The following GLP1R variants were observed in gnomAD, a reference collection of about 807,000 sequenced individuals.
GLP1R encodes glucagon-like peptide 1 receptor.
GLP1R carries 32 observed loss-of-function variants against 68.4 expected under a neutral mutation model. The ratio of observed to expected loss-of-function variants is 0.47; its 90% CI spans 0.35 to 0.63. GLP1R has a LOEUF of 0.63. Among genes scored for constraint, GLP1R ranks in the 20% least tolerant of loss-of-function variants. GLP1R has a pLI of 0.00. For synonymous variants in GLP1R, 263 were observed against 244.4 expected, an observed-to-expected ratio of 1.08 and a Z score of -0.71; for missense variants, 502 against 594.9, an observed-to-expected ratio of 0.84 and a Z score of 1.62.
chr6:39,063,806 A>G (rs80263562), intron 3 of GLP1R, among the ~76,000 whole-genome samples: 13,204 of 151,840 alleles, frequency 0.087, 804 homozygotes, highest in African/African-American at 0.16. Context: ...ATTTTTTGCT[A>G]GGGTGAAAAA....
At position 39,066,183 on chromosome 6, in the gene GLP1R, C is replaced by T. The variant is rs201931004; in HGVS notation, c.403-14C>T. 19 of 1,424,884 alleles carry T rather than the reference C, an allele frequency of 1.3e-5. No homozygotes were observed. The highest frequency in any genetic ancestry group is 1.9e-5 in the Non-Finnish European group (19 of 1,009,086). 88.3% of individuals were successfully genotyped at this position (1,424,884 alleles called of 1,614,324 possible). A position where few individuals can be genotyped will look rare whatever the true frequency, so the allele number is the denominator to read the frequency against. On this transcript the variant is annotated splice_polypyrimidine_tract_variant and intron_variant, in intron 4 of 12. Coordinates refer to ENST00000373256, the MANE Select transcript of GLP1R (RefSeq NM_002062.5). ...GGGCTGCCCATGTACACGTATGTCC[C>T]CCGTGTGCCACAGAGCTCCCCGGAG... is the stretch of plus-strand genomic sequence containing the variant.
intron 1 of GLP1R, among the ~76,000 whole-genome samples, chr6:39,051,130 C>G (rs549275724): frequency 1.3e-5 from 2 of 152,034 alleles, no homozygotes; most frequent in Non-Finnish European, 2.9e-5. Flanking sequence ...GACAGGCAAG[C>G]CTTTGACACT....
chr6:39,055,055 C>T (rs1430845117), intron 1 of GLP1R, among the ~76,000 whole-genome samples: 2 of 152,184 alleles, frequency 1.3e-5, no homozygotes, highest in African/African-American at 4.8e-5. Context: ...CACACTTATG[C>T]CAAGGATGCT....
chr6:39,050,072 C>T (rs1372458518), intron 1 of GLP1R, among the ~76,000 whole-genome samples: 1 of 152,158 alleles, frequency 6.6e-6, no homozygotes, highest in Non-Finnish European at 1.5e-5. Flanking sequence ...AGCTAAGATG[C>T]CAGCACATTT....
In GLP1R at chr6:39,074,213, G is replaced by A. The variant is rs563879191; in HGVS notation, c.823+444G>A. On this transcript the variant is annotated intron_variant, in intron 7 of 12. Transcript: ENST00000373256. ...GCCTGCTGGTGCTCTGTCACATGAC[G>A]ATGAAGAGGAGGGCTCAGAGGAGAG... is the stretch of plus-strand genomic sequence containing the variant. The A allele has an allele frequency of 3.3e-3, 526 of 161,318 alleles. 1 individual carries two copies. The highest frequency in any genetic ancestry group is 9.4e-3 in the Middle Eastern group (3 of 320). The allele number at this position is 161,318 out of a possible 1,614,324, so 10.0% of individuals were successfully genotyped here.
At chr6:39,069,733 A>G (rs564623385) in intron 5 of GLP1R, among the ~76,000 whole-genome samples, 27 of 152,072 alleles carry the variant, frequency 1.8e-4, no homozygotes, top group Non-Finnish European at 1.8e-4. Context: ...GTGGAAATAT[A>G]GACTTTTTTC....
intron 3 of GLP1R, among the ~76,000 whole-genome samples, chr6:39,059,491 C>T (rs137872997): frequency 6.6e-6 from 1 of 152,272 alleles, no homozygotes; most frequent in African/African-American, 2.4e-5. Context: ...CAGGGGTGAG[C>T]TGTCTGCCCT....
intron 12 of GLP1R, among the ~76,000 whole-genome samples, chr6:39,081,494 T>A (rs979161476): frequency 6.6e-6 from 1 of 152,156 alleles, no homozygotes; most frequent in Non-Finnish European, 1.5e-5. Flanking sequence ...CTCCCTCCCA[T>A]CCCTGAGATG....
In GLP1R at chr6:39,078,010, T is replaced by C. The variant is rs1768877910; in HGVS notation, c.824-312T>C. Among the ~76,000 whole-genome samples the C allele has an allele frequency of 3.9e-5, 6 of 152,168 alleles. No individual in the cohort carries two copies. In the South Asian group the frequency reaches 1.0e-3, roughly 26 times the overall value. ...CGCATGGCCCAGTCCCGCTGCTGTT[T>C]GTGTGTCTGTGGCCTGGTAACTTAG... On this transcript the variant is annotated intron_variant, in intron 7 of 12. Transcript: ENST00000373256.
At position 39,065,918 on chromosome 6, in the gene GLP1R, GCATCTGTGGTCATTT is replaced by G. The variant is rs1026778197; in HGVS notation, c.402+94_402+108del. ...GCAAAGACCCTTGGCTTTGATGGGG[GCATCTGTGGTCATTT>G]CATCCATCTCCTTGCCTCTGGGGGC... On this transcript the variant is annotated intron_variant, in intron 4 of 12. Coordinates refer to ENST00000373256, the MANE Select transcript of GLP1R (RefSeq NM_002062.5). The G allele has an allele frequency of 1.0e-5, 8 of 767,348 alleles. No homozygotes were observed. In the African/African-American group the frequency reaches 1.2e-4, roughly 11 times the overall value. 47.5% of individuals were successfully genotyped at this position (767,348 alleles called of 1,614,324 possible).
intron 5 of GLP1R, among the ~76,000 whole-genome samples, chr6:39,068,978 A>T (rs947343524): frequency 1.3e-5 from 2 of 152,182 alleles, no homozygotes; most frequent in African/African-American, 4.8e-5. Context: ...TCAGACTGAA[A>T]ATTTTCCAAA....
At chr6:39,062,701 A>C (rs1768381705) in intron 3 of GLP1R, among the ~76,000 whole-genome samples, 1 of 152,200 alleles carries the variant, frequency 6.6e-6, no homozygotes, top group Admixed American at 6.5e-5. Flanking sequence ...TTTCCTATTA[A>C]CAGCAAGTTT....
chr6:39,060,553 G>A (rs1157299543), intron 3 of GLP1R, among the ~76,000 whole-genome samples: 2 of 152,194 alleles, frequency 1.3e-5, no homozygotes, highest in Non-Finnish European at 2.9e-5. Flanking sequence ...ACCCAGCAGG[G>A]CTGTGGCCAC....
chr6:39,051,995 G>C (rs1177908552), intron 1 of GLP1R, among the ~76,000 whole-genome samples: 5 of 151,426 alleles, frequency 3.3e-5, no homozygotes, highest in African/African-American at 1.2e-4. Context: ...GTGTTCCTCT[G>C]TGTGTGTGTG....
At chr6:39,048,964 T>C in intron 1 of GLP1R, 46 bp downstream of exon 1, 1 of 798,204 alleles carries the variant, frequency 1.3e-6, no homozygotes, top group Non-Finnish European at 1.8e-6. Flanking sequence ...CGGGTGGCTC[T>C]GCGGGCTGCA....
chr6:39,053,348 T>C (rs906567000), intron 1 of GLP1R, among the ~76,000 whole-genome samples: 2 of 152,218 alleles, frequency 1.3e-5, no homozygotes, highest in African/African-American at 2.4e-5. Flanking sequence ...CAAAGCTTCC[T>C]CCCTGCTTCA....
intron 8 of GLP1R, among the ~76,000 whole-genome samples, chr6:39,078,693 T>C (rs1371394983): frequency 6.6e-6 from 1 of 152,198 alleles, no homozygotes; most frequent in Non-Finnish European, 1.5e-5. Context: ...CACACATGAC[T>C]GTGTTGGTAG....
chr6:39,054,529 T>G (rs929365302), intron 1 of GLP1R, among the ~76,000 whole-genome samples: 3 of 149,658 alleles, frequency 2.0e-5, no homozygotes, highest in African/African-American at 7.7e-5. Context: ...TGAATATAGT[T>G]TTATGTCCAC....
chr6:39,057,183 A>G (rs10305442), intron 2 of GLP1R, among the ~76,000 whole-genome samples: 70,939 of 151,988 alleles, frequency 0.47, 17,068 homozygotes, highest in Non-Finnish European at 0.53. Context: ...TCCATTATCT[A>G]TGTAGCATAT....
Sources: gnomAD v4.1 joint callset for allele counts (sites outside exome capture counted in the v4.1 genomes callset) on GRCh38, gnomAD v4.1.1 for gene constraint, MANE v1.5 for transcripts, NCBI Gene and HGNC (gene_info 2026-07-23, HGNC 2026-07-21) for gene names.